The following ATG16L2 variants were observed in gnomAD, a reference collection of about 807,000 sequenced individuals.
ATG16L2 encodes the protein protein Atg16l2.
A neutral mutation model predicts 84.7 loss-of-function variants in ATG16L2; 77 were observed. The observed-to-expected ratio is 0.91, with a 90% CI of 0.76 to 1.10. The LOEUF (loss-of-function observed/expected upper bound fraction) is 1.10, where lower values mean the gene tolerates loss of function less well. ATG16L2 is among the 50% of genes least tolerant of loss of function. ATG16L2 has a pLI of 0.00. For synonymous variants in ATG16L2, 361 were observed against 342.8 expected, an observed-to-expected ratio of 1.05 and a Z score of -0.59; for missense variants, 782 against 817.6, an observed-to-expected ratio of 0.96 and a Z score of 0.53.
chr11:72,830,361 C>G (rs1591318244), downstream of ATG16L2, among the ~76,000 whole-genome samples: 1 of 152,284 alleles, frequency 6.6e-6, no homozygotes, highest in East Asian at 1.9e-4. Flanking sequence ...CCTCCTGCAC[C>G]CCATGTCCCT....
chr11:72,824,891 A>G (rs763940127), intron 9 of ATG16L2, 49 bp downstream of exon 9: 3 of 1,488,446 alleles, frequency 2.0e-6, no homozygotes, highest in Non-Finnish European at 2.7e-6. Context: ...GAGAGAGTGC[A>G]GGCACAGGGG....
Position 72,829,452 on chromosome 11 carries a change from C to T in ATG16L2, c.*62C>T. On this transcript the variant is annotated 3_prime_UTR_variant, in exon 18 of 18. Coordinates refer to ENST00000321297, the MANE Select transcript of ATG16L2 (RefSeq NM_033388.2). Reference sequence around the variant, plus strand: ...CGAAGCCTGAAGCTTCCTTCGGCGCCATGCAGGGGTTGGGGTTGGGACTGG... The same window carrying T: ...CGAAGCCTGAAGCTTCCTTCGGCGCTATGCAGGGGTTGGGGTTGGGACTGG... 2 of 1,573,650 alleles carry T rather than the reference C, an allele frequency of 1.3e-6. No individual in the cohort carries two copies. The highest frequency in any genetic ancestry group is 1.7e-6 in the Non-Finnish European group (2 of 1,158,050).
chr11:72,832,938 C>A (rs973642238), downstream of ATG16L2, among the ~76,000 whole-genome samples: 3 of 152,172 alleles, frequency 2.0e-5, no homozygotes, highest in East Asian at 5.8e-4. Flanking sequence ...CCCCAAGCCT[C>A]CCCAAAAGTG....
In ATG16L2 at chr11:72,814,456, C is replaced by G. The variant is rs1252172656; in HGVS notation, c.11C>G (p.Pro4Arg). 1.3e-5 allele frequency: 19 copies of G among 1,503,744 alleles called. No homozygotes were observed. The highest frequency in any genetic ancestry group is 1.7e-5 in the Non-Finnish European group (19 of 1,121,064). The allele number at this position is 1,503,744 out of a possible 1,614,324, so 93.2% of individuals were successfully genotyped here. A position where few individuals can be genotyped will look rare whatever the true frequency, so the allele number is the denominator to read the frequency against. ...CGGGAGAGCGCGGCCATGGCGGGGC[C>G]GGGCGTCCCCGGTGCCCCCGCAGCG... MAG[P>R]GVPGAPAARW... Residue 4 changes from proline (P) to arginine (R), a missense_variant, in exon 1 of 18, where the codon CCG becomes CGG. Pro to Arg is a moderately radical substitution (Grantham distance 103, BLOSUM62 -2). Coordinates refer to ENST00000321297, the MANE Select transcript of ATG16L2 (RefSeq NM_033388.2).
chr11:72,822,926 G>A lies in ATG16L2; in HGVS notation c.789G>A (p.Glu263=). The A allele has an allele frequency of 1.3e-6, 2 of 1,578,300 alleles. No individual in the cohort carries two copies. The highest frequency in any genetic ancestry group is 2.3e-5 in the South Asian group (2 of 86,186). The change falls in exon 7 of 18, where the codon GAG becomes GAA. Residue 263 remains glutamate, a synonymous_variant. Coordinates refer to ENST00000321297, the MANE Select transcript of ATG16L2 (RefSeq NM_033388.2). The surrounding 1 kb of genome is among the most constrained non-coding windows in gnomAD (Gnocchi z 4.2). ...TGGCCCCTGAGCCAGAGCCCCTGGA[G>A]AAGGAAGCTTGTGAGAAGTGGAAGA... ...LALAPEPEPL[E]KEACEKWKRP...
chr11:72,815,410 C>T (rs1287823104), intron 1 of ATG16L2, among the ~76,000 whole-genome samples: 7 of 152,258 alleles, frequency 4.6e-5, no homozygotes, highest in African/African-American at 1.7e-4. Flanking sequence ...TTCAGGGTTG[C>T]GAGGCCAGCC....
intron 5 of ATG16L2, among the ~76,000 whole-genome samples, chr11:72,841,798 T>C (rs1012723591): frequency 6.6e-6 from 1 of 152,224 alleles, no homozygotes; most frequent in Non-Finnish European, 1.5e-5. Context: ...TCTCATCACA[T>C]TACTGATTTT....
rs1860545863 is a variant in ATG16L2 at position 72,829,327 on chromosome 11, G to C, written c.1797G>C (p.Trp599Cys). The change falls in exon 18 of 18, where the codon TGG (tryptophan) becomes TGC (cysteine). Residue 599 changes from tryptophan (W) to cysteine (C), a missense_variant. Coordinates refer to ENST00000321297, the MANE Select transcript of ATG16L2 (RefSeq NM_033388.2). ...GCGCTGCCGTCAACGCCGTGGCCTG[G>C]TGCTACTCCGGGAGCCACATGGTGA... ...PHCAAVNAVA[W>C]CYSGSHMVSV... 6.2e-7 allele frequency: 1 copy of C among 1,613,196 alleles called. No individual in the cohort carries two copies. The highest frequency in any genetic ancestry group is 8.5e-7 in the Non-Finnish European group (1 of 1,179,884).
chr11:72,821,145 C>T (rs1859968066), intron 3 of ATG16L2: 2 of 873,556 alleles, frequency 2.3e-6, no homozygotes, highest in Non-Finnish European at 2.7e-6. Context: ...CTCTTAGCTA[C>T]GTGACTTTGG....
chr11:72,837,272 A>G (rs1215028371), intron 5 of ATG16L2: 2 of 152,610 alleles, frequency 1.3e-5, no homozygotes, highest in African/African-American at 4.8e-5. Flanking sequence ...GAGAAGATTC[A>G]TTAATGGGTA....
rs1468851825 is a variant in ATG16L2, at chr11:72,823,949, A to G, written c.825-111A>G. On this transcript the variant is annotated intron_variant, in intron 7 of 17. Coordinates refer to ENST00000321297, the MANE Select transcript of ATG16L2 (RefSeq NM_033388.2). ...TGGAGAAGTCAAGTTCTTATCCCAG[A>G]CTTGAGAGGTTACAAGCCTCCAGGT... 1.2e-5 allele frequency: 15 copies of G among 1,208,554 alleles called. No individual in the cohort carries two copies. The Admixed American group carries it at 2.5e-4, about 20-fold the overall frequency. 74.9% of individuals were successfully genotyped at this position (1,208,554 alleles called of 1,614,324 possible).
At chr11:72,830,897 T>C (rs1336968037), downstream of ATG16L2, among the ~76,000 whole-genome samples, 1 of 152,250 alleles carries the variant, frequency 6.6e-6, no homozygotes, top group Admixed American at 6.5e-5. Flanking sequence ...CCCCAGTAGC[T>C]GGGCCTATAG....
chr11:72,827,986 G>A (rs1362796443), intron 14 of ATG16L2, among the ~76,000 whole-genome samples: 1 of 152,196 alleles, frequency 6.6e-6, no homozygotes, highest in African/African-American at 2.4e-5. Flanking sequence ...CAAAGCTAGA[G>A]CCAGTGCTAG....
chr11:72,839,927 G>C (rs1320123195), intron 5 of ATG16L2, among the ~76,000 whole-genome samples: 1 of 152,204 alleles, frequency 6.6e-6, no homozygotes, highest in East Asian at 1.9e-4. Flanking sequence ...TATCAGCAGA[G>C]ACAGGTGGCG....
chr11:72,824,288 CG>C (rs1860200821), intron 8 of ATG16L2, 166 bp downstream of exon 8: 4 of 762,100 alleles, frequency 5.2e-6, no homozygotes, highest in South Asian at 4.8e-5. Context: ...GCCTCAGCCC[CG>C]GCCCCGGTTC....
chr11:72,839,504 G>A (rs1430271197), intron 5 of ATG16L2, among the ~76,000 whole-genome samples: 4 of 152,132 alleles, frequency 2.6e-5, no homozygotes, highest in African/African-American at 7.2e-5. Context: ...TAGCCCAAAC[G>A]AGGGTACTGG....
intron 8 of ATG16L2, 172 bp downstream of exon 8, chr11:72,824,294 C>T (rs1591307249): frequency 1.5e-5 from 11 of 728,256 alleles, no homozygotes; most frequent in Middle Eastern, 3.8e-4. Flanking sequence ...GCCCCGGCCC[C>T]GGTTCAGCTG....
rs1471313076 is a variant in ATG16L2 at position 72,814,411 on chromosome 11, G to T, written c.-35G>T. The T allele has an allele frequency of 7.4e-7, 1 of 1,360,156 alleles. No homozygotes were observed. The highest frequency in any genetic ancestry group is 9.6e-7 in the Non-Finnish European group (1 of 1,039,108). The allele number at this position is 1,360,156 out of a possible 1,614,324, so 84.3% of individuals were successfully genotyped here. The stretch of plus-strand genomic sequence containing the variant: ...GCCCCGGCCTGGCGCCGTCCTGGGC[G>T]GGAGGAACGCGCCGCTAGGCGGGAG... On this transcript the variant is annotated 5_prime_UTR_variant, in exon 1 of 18. Transcript: ENST00000321297.
intron 5 of ATG16L2, among the ~76,000 whole-genome samples, chr11:72,842,159 C>G (rs1860976227): frequency 6.6e-6 from 1 of 152,166 alleles, no homozygotes; most frequent in Non-Finnish European, 1.5e-5. Context: ...TCTAGGGTCA[C>G]TTGAGTGGGG....
Sources: allele counts gnomAD v4.1 joint callset (sites outside exome capture counted in the v4.1 genomes callset), GRCh38; gene constraint gnomAD v4.1.1; non-coding constraint Gnocchi (gnomAD v3.1); transcripts MANE v1.5; gene names NCBI Gene and HGNC (gene_info 2026-07-23, HGNC 2026-07-21).